LMOD1: variants seen among roughly 807,000 people sequenced by gnomAD.
LMOD1 encodes the protein leiomodin-1.
In LMOD1, 8 loss-of-function variants were observed where a neutral mutation model predicts 36.5. The observed-to-expected ratio is 0.22, with a 90% CI of 0.13 to 0.40. The LOEUF (loss-of-function observed/expected upper bound fraction) is 0.40, where lower values mean the gene tolerates loss of function less well. Among genes scored for constraint, LMOD1 ranks in the 10% least tolerant of loss-of-function variants. The pLI, the probability that LMOD1 is intolerant of heterozygous loss-of-function variation, is 1.00. For missense variants in LMOD1, 630 were observed against 751.1 expected (o/e 0.84, Z 1.88); for synonymous variants, 284 against 288.7 (o/e 0.98, Z 0.17).
chr1:201,925,917 T>C (rs1681820235), intron 1 of LMOD1, among the ~76,000 whole-genome samples: 1 of 151,926 alleles, frequency 6.6e-6, no homozygotes, highest in Non-Finnish European at 1.5e-5. Context: ...TCTCCCTGTG[T>C]TGCCCAGGCT....
chr1:201,917,063 G>C (rs554197865), intron 1 of LMOD1, among the ~76,000 whole-genome samples: 1 of 152,304 alleles, frequency 6.6e-6, no homozygotes, highest in African/African-American at 2.4e-5. Flanking sequence ...TGTCTTTGTA[G>C]GGAAGGGGAG....
At chr1:201,916,659 A>T (rs971709894) in intron 1 of LMOD1, among the ~76,000 whole-genome samples, 57 of 151,866 alleles carry the variant, frequency 3.8e-4, no homozygotes, top group Non-Finnish European at 7.4e-4. Flanking sequence ...TGGTGTGGGG[A>T]GGAGGGATGG....
rs756734948 is a variant in LMOD1 at position 201,899,528 on chromosome 1, C to T, written c.1485G>A (p.Leu495=). Residue 495 remains leucine (L), a synonymous_variant, in exon 2 of 3, where the codon CTG becomes CTA. Coordinates refer to ENST00000367288, the MANE Select transcript of LMOD1 (RefSeq NM_012134.3). This position sits in a 1 kb window ranked among gnomAD's most constrained non-coding sequence, Gnocchi z 6.3. ...CGGCCCCGGCCTTGGGTACCTCCAG[C>T]AGATCCTTCTTCTCTCCCTTGGCTT... ...AQEAKGEKKD[L]LEVPKAGAVA... 15 of 1,613,928 alleles carry T rather than the reference C, an allele frequency of 9.3e-6. No homozygotes were observed. The South Asian group carries it at 1.4e-4, about 15-fold the overall frequency.
chr1:201,941,620 C>T lies in LMOD1; in HGVS notation c.261+4460G>A, dbSNP rs564578077. On this transcript the variant is annotated intron_variant, in intron 1 of 2. Transcript: ENST00000367288. ...AAGGGCATTCTGAGGGTTAGGCCGC[C>T]GGCCTCGGGCCTTCCCGGCCCCGTA... 5.4e-4 allele frequency among the ~76,000 whole-genome samples: 83 copies of T among 152,360 alleles called. 1 individual carries two copies. Among genetic ancestry groups the T allele is most frequent in the African/African-American group, 1.9e-3 (79 of 41,586 alleles).
Position 201,898,397 on chromosome 1 carries a change from AC to A in LMOD1, c.1777del (p.Val593TrpfsTer40). On this transcript the variant is annotated frameshift_variant and splice_region_variant, in exon 3 of 3. Transcript: ENST00000367288. LOFTEE classifies it high-confidence loss of function. ...RSSNLKQLKK[V>X]EVPKLLQ ...CTACTGAAGCAGTTTGGGCACTTCC[AC>A]CTGTAGGGGCAAAGTAGAGACAGGT... 6.2e-7 allele frequency: 1 copy of A among 1,612,594 alleles called. No individual in the cohort carries two copies. Among genetic ancestry groups the A allele is most frequent in the Non-Finnish European group, 8.5e-7 (1 of 1,179,392 alleles).
At position 201,924,665 on chromosome 1, in the gene LMOD1, A is replaced by G. The variant is rs148503112; in HGVS notation, c.261+21415T>C. Among the ~76,000 whole-genome samples, 224 of 130,262 alleles carry G rather than the reference A, an allele frequency of 1.7e-3. 1 individual carries two copies. The highest frequency in any genetic ancestry group is 5.4e-3 in the African/African-American group (182 of 33,778). The allele number at this position is 130,262 out of a possible 152,430, so 85.5% of individuals were successfully genotyped here. A position where few individuals can be genotyped will look rare whatever the true frequency, so the allele number is the denominator to read the frequency against. ...GAAAGAAAGAGAGAAAGAAAGAAAA[A>G]AAAGAAAGAAAGAAAGAAAGAAAGA... is the stretch of plus-strand genomic sequence containing the variant. On this transcript the variant is annotated intron_variant, in intron 1 of 2. Coordinates refer to ENST00000367288, the MANE Select transcript of LMOD1 (RefSeq NM_012134.3).
chr1:201,942,011 C>T (rs76419332), intron 1 of LMOD1, among the ~76,000 whole-genome samples: 330 of 152,320 alleles, frequency 2.2e-3, no homozygotes, highest in Non-Finnish European at 3.3e-3. Context: ...TTCACTGAAC[C>T]GTTGGCTACA....
At chr1:201,930,625 A>G (rs57498347) in intron 1 of LMOD1, among the ~76,000 whole-genome samples, 12,107 of 152,242 alleles carry the variant, frequency 0.08, 892 homozygotes, top group East Asian at 0.27. Flanking sequence ...TGTCCAAGAG[A>G]CAACTGAATG....
At chr1:201,902,683 G>T (rs1681351026) in intron 1 of LMOD1, among the ~76,000 whole-genome samples, 1 of 151,938 alleles carries the variant, frequency 6.6e-6, no homozygotes, top group Non-Finnish European at 1.5e-5. Flanking sequence ...CTGACCTCAT[G>T]ATCCACCCAC....
chr1:201,903,513 C>A (rs1681363722), intron 1 of LMOD1, among the ~76,000 whole-genome samples: 3 of 152,182 alleles, frequency 2.0e-5, no homozygotes, highest in Admixed American at 1.3e-4. Context: ...CCTTACTGAA[C>A]CTTGATTTGA....
intron 1 of LMOD1, among the ~76,000 whole-genome samples, chr1:201,904,704 G>A (rs1681385252): frequency 6.6e-6 from 1 of 152,204 alleles, no homozygotes; most frequent in Admixed American, 6.5e-5. Flanking sequence ...ACAGGCTGGG[G>A]GTGGGAGGGA....
At chr1:201,935,640 T>G (rs1383350313) in intron 1 of LMOD1, among the ~76,000 whole-genome samples, 1 of 151,942 alleles carries the variant, frequency 6.6e-6, no homozygotes, top group African/African-American at 2.4e-5. Context: ...CACTGCAACC[T>G]CCACCTCCTG....
At chr1:201,918,328 C>G (rs995973823) in intron 1 of LMOD1, among the ~76,000 whole-genome samples, 3 of 152,208 alleles carry the variant, frequency 2.0e-5, no homozygotes, top group Non-Finnish European at 4.4e-5. Context: ...CCCACTGAAC[C>G]CCCTGCCTCC....
At chr1:201,937,459 A>G (rs547548759) in intron 1 of LMOD1, among the ~76,000 whole-genome samples, 2 of 149,066 alleles carry the variant, frequency 1.3e-5, no homozygotes, top group South Asian at 4.2e-4. Context: ...ACAAACAAAC[A>G]AAAAAAAACA....
intron 1 of LMOD1, among the ~76,000 whole-genome samples, chr1:201,923,900 A>AGG (rs1323065573): frequency 1.5e-5 from 2 of 136,994 alleles, no homozygotes; most frequent in South Asian, 2.3e-4. Context: ...AGAGAGAGAG[A>AGG]GAGGGAGGGA....
intron 1 of LMOD1, among the ~76,000 whole-genome samples, chr1:201,931,759 G>C (rs1681926789): frequency 6.6e-6 from 1 of 151,966 alleles, no homozygotes; most frequent in South Asian, 2.1e-4. Context: ...AAGGCTGGCT[G>C]GGCACGGTGG....
intron 1 of LMOD1, among the ~76,000 whole-genome samples, chr1:201,914,020 A>C (rs762707210): frequency 2.0e-5 from 3 of 150,806 alleles, no homozygotes; most frequent in Non-Finnish European, 4.4e-5. Context: ...AGATGGACCC[A>C]AAAGTGGAAC....
At chr1:201,936,284 C>T (rs577849498) in intron 1 of LMOD1, among the ~76,000 whole-genome samples, 6 of 151,896 alleles carry the variant, frequency 4.0e-5, no homozygotes, top group South Asian at 2.1e-4. Context: ...CTCTTGCCCC[C>T]CTACAGTCTG....
intron 1 of LMOD1, among the ~76,000 whole-genome samples, chr1:201,914,394 C>T (rs761242203): frequency 5.9e-5 from 9 of 152,142 alleles, no homozygotes; most frequent in Non-Finnish European, 1.0e-4. Flanking sequence ...ATTTGCCTTC[C>T]TCATCTGTAA....
Sources: gnomAD v4.1 joint callset for allele counts (sites outside exome capture counted in the v4.1 genomes callset) on GRCh38, gnomAD v4.1.1 for gene constraint, Gnocchi (gnomAD v3.1) non-coding constraint, MANE v1.5 for transcripts, NCBI Gene and HGNC (gene_info 2026-07-23, HGNC 2026-07-21) for gene names.